PPIP5K2: variants seen among roughly 807,000 people sequenced by gnomAD.
PPIP5K2 encodes the protein diphosphoinositol pentakisphosphate kinase 2.
In PPIP5K2, 105 loss-of-function variants were observed where a neutral mutation model predicts 154.6. The observed-to-expected ratio is 0.68, with a 90% CI of 0.58 to 0.80. The LOEUF (loss-of-function observed/expected upper bound fraction) is 0.80. Among genes scored for constraint, PPIP5K2 ranks in the 30% least tolerant of loss-of-function variants. The pLI is 0.00. For missense variants in PPIP5K2, 992 were observed against 1,504.6 expected, an observed-to-expected ratio of 0.66 and a Z score of 5.64; for synonymous variants, 480 against 490.3, an observed-to-expected ratio of 0.98 and a Z score of 0.28.
Position 103,209,395 on chromosome 5 carries a change from C to G in PPIP5K2, c.*7761C>G, listed in dbSNP as rs1404222634. 2 of 151,846 alleles carry G rather than the reference C, an allele frequency of 1.3e-5. No homozygotes were observed. Among genetic ancestry groups the G allele is most frequent in the African/African-American group, 4.8e-5 (2 of 41,344 alleles). 9.4% of individuals were successfully genotyped at this position (151,846 alleles called of 1,614,324 possible). On this transcript the variant is annotated 3_prime_UTR_variant, in exon 31 of 31. Coordinates refer to ENST00000358359, the MANE Select transcript of PPIP5K2 (RefSeq NM_001276277.3). ...TAAGAGAATTCAGTTCTTCCCAAAGCAGTGTTTAAAAAAAAAAAGTATTTA... is the reference window on the plus strand; with the variant it reads ...TAAGAGAATTCAGTTCTTCCCAAAGGAGTGTTTAAAAAAAAAAAGTATTTA...
intron 17 of PPIP5K2, among the ~76,000 whole-genome samples, chr5:103,166,760 C>A (rs1797178297): frequency 1.3e-5 from 2 of 151,560 alleles, no homozygotes; most frequent in African/African-American, 2.4e-5. Flanking sequence ...CTAGAGTGAG[C>A]TAGAGAAAAG....
chr5:103,191,004 GTTA>G (rs1554226782), intron 29 of PPIP5K2, 22 bp downstream of exon 29: 2 of 1,599,284 alleles, frequency 1.3e-6, no homozygotes, highest in Non-Finnish European at 1.7e-6. Flanking sequence ...TTCTTTCATT[GTTA>G]TTATTTAGTT....
At chr5:103,191,267 A>G (rs1366963180) in intron 29 of PPIP5K2, among the ~76,000 whole-genome samples, 5 of 152,012 alleles carry the variant, frequency 3.3e-5, no homozygotes, top group African/African-American at 4.8e-5. Context: ...TGTTAAAACT[A>G]TGTTTGCTAG....
intron 19 of PPIP5K2, among the ~76,000 whole-genome samples, chr5:103,169,604 A>G (rs1359915835): frequency 1.3e-5 from 2 of 151,738 alleles, no homozygotes; most frequent in Non-Finnish European, 3.0e-5. Flanking sequence ...CAGATATATA[A>G]TATAGACAAT....
chr5:103,168,713 C>T (rs1386711036), intron 19 of PPIP5K2, among the ~76,000 whole-genome samples: 1 of 151,746 alleles, frequency 6.6e-6, no homozygotes, highest in Non-Finnish European at 1.5e-5. Context: ...TTAGGGTTCA[C>T]TCTTGGTGTT....
rs1322646000 is a variant in PPIP5K2 at position 103,159,855 on chromosome 5, A to G, written c.1920+527A>G. On this transcript the variant is annotated intron_variant, in intron 17 of 30. Transcript: ENST00000358359. Reference sequence around the variant, plus strand: ...GCTATTACTATAATCACCATGTTGTACAATAGAGCTCCTGAACTTATTCCT... The same window carrying G: ...GCTATTACTATAATCACCATGTTGTGCAATAGAGCTCCTGAACTTATTCCT... 3.3e-5 allele frequency among the ~76,000 whole-genome samples: 5 copies of G among 152,192 alleles called. No homozygotes were observed. In the East Asian group the frequency reaches 9.6e-4, roughly 29 times the overall value.
intron 3 of PPIP5K2, chr5:103,136,230 C>T (rs1554204160): frequency 6.5e-6 from 1 of 152,948 alleles, no homozygotes; most frequent in Non-Finnish European, 1.5e-5. Context: ...GCCTCGGCCT[C>T]CCAAAGTGCT....
At chr5:103,150,544 T>A (rs193024825) in intron 8 of PPIP5K2, among the ~76,000 whole-genome samples, 1 of 152,206 alleles carries the variant, frequency 6.6e-6, no homozygotes, top group East Asian at 1.9e-4. Flanking sequence ...GGTGCTGAGG[T>A]AGGTGGATCA....
intron 4 of PPIP5K2, among the ~76,000 whole-genome samples, chr5:103,137,083 TACTA>T (rs1791625453): frequency 6.6e-6 from 1 of 152,116 alleles, no homozygotes; most frequent in Non-Finnish European, 1.5e-5. Context: ...TTCCAGAGCC[TACTA>T]AACCATTCAA....
chr5:103,153,891 C>A lies in PPIP5K2; in HGVS notation c.1174C>A (p.Arg392=), dbSNP rs782426816. The change falls in exon 11 of 31, where the codon CGA becomes AGA. Residue 392 remains arginine, a synonymous_variant. Transcript: ENST00000358359. ...CATAGCTGTTATACGTCATGGGGATCGAACACCAAAACAAAAAATGAAAAT... is the reference window on the plus strand; with the variant it reads ...CATAGCTGTTATACGTCATGGGGATAGAACACCAAAACAAAAAATGAAAAT... ...CVIAVIRHGD[R]TPKQKMKMEV... 1 of 1,606,126 alleles carries A rather than the reference C, an allele frequency of 6.2e-7. No homozygotes were observed. The highest frequency in any genetic ancestry group is 8.5e-7 in the Non-Finnish European group (1 of 1,176,150).
At chr5:103,197,640 A>T (rs1554228981) in intron 30 of PPIP5K2, among the ~76,000 whole-genome samples, 3 of 123,430 alleles carry the variant, frequency 2.4e-5, no homozygotes, top group Non-Finnish European at 4.7e-5. Flanking sequence ...CAGTGGTGTG[A>T]TCTCAGCTCA....
At chr5:103,163,033 C>T (rs937058373) in intron 17 of PPIP5K2, among the ~76,000 whole-genome samples, 2 of 149,166 alleles carry the variant, frequency 1.3e-5, no homozygotes, top group Admixed American at 6.7e-5. Context: ...TTTGTTGATC[C>T]GTGTGCCAAT....
intron 2 of PPIP5K2, 56 bp downstream of exon 2, chr5:103,129,759 A>G (rs1790312746): frequency 6.8e-7 from 1 of 1,462,924 alleles, no homozygotes; most frequent in South Asian, 1.5e-5. Flanking sequence ...TAGGCTTTTT[A>G]CTAATCACTG....
intron 29 of PPIP5K2, among the ~76,000 whole-genome samples, chr5:103,192,691 T>C (rs1202526734): frequency 2.0e-5 from 3 of 152,126 alleles, no homozygotes; most frequent in South Asian, 4.1e-4. Context: ...GGATTCATTT[T>C]GTAGTTAGTG....
At chr5:103,145,822 G>A (rs964715077) in intron 5 of PPIP5K2, among the ~76,000 whole-genome samples, 2 of 151,940 alleles carry the variant, frequency 1.3e-5, no homozygotes, top group Non-Finnish European at 1.5e-5. Context: ...TAGCACAATA[G>A]GGTGACTATA....
At chr5:103,180,403 A>G (rs1463462942) in intron 24 of PPIP5K2, among the ~76,000 whole-genome samples, 3 of 152,178 alleles carry the variant, frequency 2.0e-5, no homozygotes, top group African/African-American at 7.2e-5. Context: ...GTTTTCATAA[A>G]AAAAGGATGC....
chr5:103,155,934 C>T lies in PPIP5K2; in HGVS notation c.1429C>T (p.Arg477Cys). 6.2e-7 allele frequency: 1 copy of T among 1,602,460 alleles called. No individual in the cohort carries two copies. The highest frequency in any genetic ancestry group is 8.5e-7 in the Non-Finnish European group (1 of 1,169,760). ...GTATGGTCATTTTTCTGGAATAAATCGTAAGGTTCAGTTGACCTATCTCCC... is the reference window on the plus strand; with the variant it reads ...GTATGGTCATTTTTCTGGAATAAATTGTAAGGTTCAGTTGACCTATCTCCC... Reference protein sequence around the residue: ...EMYGHFSGINRKVQLTYLPHG... With the variant: ...EMYGHFSGINCKVQLTYLPHG... Residue 477 changes from arginine (R) to cysteine (C), a missense_variant, in exon 14 of 31, where the codon CGT (arginine) becomes TGT (cysteine). By Grantham distance (180) the Arg-to-Cys change is radical (BLOSUM62 -3). Around this residue, in one of 9 missense-constraint regions of PPIP5K2, gnomAD observed 163 missense variants for 285.2 expected, o/e 0.57. Transcript: ENST00000358359.
intron 8 of PPIP5K2, among the ~76,000 whole-genome samples, 178 bp downstream of exon 8, chr5:103,149,491 A>G (rs1259208066): frequency 6.6e-6 from 1 of 152,186 alleles, no homozygotes; most frequent in Non-Finnish European, 1.5e-5. Context: ...CTTTTGTATT[A>G]TATAAAAGAA....
At chr5:103,170,045 A>G (rs1483691567) in intron 19 of PPIP5K2, among the ~76,000 whole-genome samples, 2 of 151,486 alleles carry the variant, frequency 1.3e-5, no homozygotes, top group South Asian at 2.1e-4. Context: ...TTTCCATTAT[A>G]TATACTAAAT....
Sources: gnomAD v4.1 joint callset for allele counts (sites outside exome capture counted in the v4.1 genomes callset) on GRCh38, gnomAD v4.1.1 for gene constraint, gnomAD v4.1.1 regional missense constraint, MANE v1.5 for transcripts, NCBI Gene and HGNC (gene_info 2026-07-23, HGNC 2026-07-21) for gene names.